Variants in TSEN2 observed in about 807,000 individuals in gnomAD.
The protein encoded by TSEN2 is tRNA splicing endonuclease subunit 2.
In TSEN2, 54 loss-of-function variants were observed where a neutral mutation model predicts 59.2. The observed-to-expected ratio is 0.91, with a 90% CI of 0.73 to 1.14. The LOEUF is 1.14. Among genes scored for constraint, TSEN2 ranks in the 50% most tolerant of loss-of-function variants. The pLI, the probability that TSEN2 is intolerant of heterozygous loss-of-function variation, is 0.00. For synonymous variants in TSEN2, 195 were observed against 198.2 expected (o/e 0.98, Z 0.14); for missense variants, 636 against 576.2 (o/e 1.10, Z -1.06).
At chr3:12,501,244 G>A (rs1324231241) in intron 4 of TSEN2, among the ~76,000 whole-genome samples, 1 of 152,186 alleles carries the variant, frequency 6.6e-6, no homozygotes, top group Admixed American at 6.5e-5. Flanking sequence ...CTTTGAGGTG[G>A]TAGTACTCAT....
chr3:12,522,012 AT>A (rs2056684054), intron 8 of TSEN2, among the ~76,000 whole-genome samples: 1 of 134,346 alleles, frequency 7.4e-6, no homozygotes, highest in South Asian at 2.1e-4. Context: ...GTCTCAAAAA[AT>A]AATAATAAAA....
At chr3:12,508,236 T>A (rs1382861776) in intron 6 of TSEN2, among the ~76,000 whole-genome samples, 1 of 152,222 alleles carries the variant, frequency 6.6e-6, no homozygotes, top group African/African-American at 2.4e-5. Context: ...TAAAGGCTGC[T>A]GCTGCCTGCT....
chr3:12,517,491 CT>C (rs2056254473), intron 7 of TSEN2, among the ~76,000 whole-genome samples: 1 of 152,050 alleles, frequency 6.6e-6, no homozygotes, highest in Non-Finnish European at 1.5e-5. Context: ...AAGCCCATGA[CT>C]TTGTGCTGTT....
intron 3 of TSEN2, among the ~76,000 whole-genome samples, chr3:12,493,795 C>A (rs1175753513): frequency 6.6e-6 from 1 of 152,130 alleles, no homozygotes; most frequent in East Asian, 1.9e-4. Flanking sequence ...AATAGTCATC[C>A]TAATGAGTAT....
At chr3:12,530,729 A>G (rs2057403542) in intron 10 of TSEN2, 1 of 985,284 alleles carries the variant, frequency 1.0e-6, no homozygotes, top group African/African-American at 1.7e-5. Context: ...TAGAATTTTT[A>G]TGCCCATTTT....
At chr3:12,524,739 C>CTTTTT (rs746602626) in intron 8 of TSEN2, among the ~76,000 whole-genome samples, 16 of 131,784 alleles carry the variant, frequency 1.2e-4, no homozygotes, top group African/African-American at 1.2e-4. Context: ...TCTTTGGTCT[C>CTTTTT]TTTTTTTTTT....
chr3:12,528,472 C>A (rs1049915764), intron 8 of TSEN2, among the ~76,000 whole-genome samples: 1 of 152,164 alleles, frequency 6.6e-6, no homozygotes. Context: ...TGTAAACCCC[C>A]ACTTTGGGAG....
rs1022259669 is a variant in TSEN2 at position 12,531,379 on chromosome 3, A to G, written c.1249-191A>G. ...TCTGTTGCCATGTTCAGTGATTACT[A>G]AACGGCAGGTACTTAGTCAGAACGT... On this transcript the variant is annotated intron_variant, in intron 10 of 11. Coordinates refer to ENST00000284995, the MANE Select transcript of TSEN2 (RefSeq NM_025265.4). 4 of 592,630 alleles carry G rather than the reference A, an allele frequency of 6.7e-6. No homozygotes were observed. The African/African-American group carries it at 7.5e-5, about 11-fold the overall frequency. The allele number at this position is 592,630 out of a possible 1,614,324, so 36.7% of individuals were successfully genotyped here. A position where few individuals can be genotyped will look rare whatever the true frequency, so the allele number is the denominator to read the frequency against.
intron 2 of TSEN2, among the ~76,000 whole-genome samples, chr3:12,491,380 A>G (rs2053196455): frequency 6.6e-6 from 1 of 152,176 alleles, no homozygotes; most frequent in African/African-American, 2.4e-5. Flanking sequence ...TTGTAATGAA[A>G]AGGGGAAAAA....
upstream of TSEN2, chr3:12,484,330 C>T (rs1378829383): frequency 6.6e-6 from 1 of 152,396 alleles, no homozygotes; most frequent in Non-Finnish European, 1.5e-5. Context: ...CCTCATACTC[C>T]GCAGTGGCAG....
chr3:12,496,648 CT>C lies in TSEN2; in HGVS notation c.308+101del, dbSNP rs2053776770. The C allele has an allele frequency of 1.4e-5, 18 of 1,258,266 alleles. 1 individual carries two copies. The highest frequency in any genetic ancestry group is 7.0e-5 in the East Asian group (3 of 43,004). 77.9% of individuals were successfully genotyped at this position (1,258,266 alleles called of 1,614,324 possible). On this transcript the variant is annotated intron_variant, in intron 4 of 11. Coordinates refer to ENST00000284995, the MANE Select transcript of TSEN2 (RefSeq NM_025265.4). ...TCCCATGTAGCAGTCCAGTCCACAC[CT>C]TTTTTTCTTTCTGTTTTTGGTAGTA... is the stretch of plus-strand genomic sequence containing the variant.
At chr3:12,495,126 C>CAAAA (rs1160986136) in intron 3 of TSEN2, among the ~76,000 whole-genome samples, 28,572 of 68,366 alleles carry the variant, frequency 0.42, 4,769 homozygotes, top group African/African-American at 0.49. Context: ...ACTCCGTCTC[C>CAAAA]AAAAAAAAAA....
chr3:12,497,036 A>G (rs1027005862), intron 4 of TSEN2, among the ~76,000 whole-genome samples: 1 of 152,024 alleles, frequency 6.6e-6, no homozygotes, highest in Non-Finnish European at 1.5e-5. Flanking sequence ...CATGTGCTCA[A>G]TCCTGCTCAT....
chr3:12,481,288 A>C (rs1245307261), upstream of TSEN2, among the ~76,000 whole-genome samples: 1 of 152,202 alleles, frequency 6.6e-6, no homozygotes, highest in African/African-American at 2.4e-5. Context: ...AAACTCACCT[A>C]GTTGCTAAAA....
intron 3 of TSEN2, among the ~76,000 whole-genome samples, chr3:12,494,768 A>G (rs2053574154): frequency 6.6e-6 from 1 of 151,970 alleles, no homozygotes; most frequent in Non-Finnish European, 1.5e-5. Context: ...ATGAAACAGG[A>G]TGCAGAGAGA....
intron 3 of TSEN2, 66 bp downstream of exon 3, chr3:12,492,283 A>G: frequency 7.3e-7 from 1 of 1,379,272 alleles, no homozygotes. Context: ...TTGATCTTAT[A>G]TCTCAGGCTA....
Position 12,508,649 on chromosome 3 carries a change from G to A in TSEN2, c.909+3418G>A, listed in dbSNP as rs149231942. 6.9e-3 allele frequency among the ~76,000 whole-genome samples: 1,048 copies of A among 152,272 alleles called. 6 individuals carry two copies. Among genetic ancestry groups the A allele is most frequent in the African/African-American group, 0.024 (990 of 41,544 alleles). ...CAACCTTCCACAGATGTGGACATGC[G>A]GCCTTGTAGGGGTGTTTTCATGCCT... On this transcript the variant is annotated intron_variant, in intron 6 of 11. Coordinates refer to ENST00000284995, the MANE Select transcript of TSEN2 (RefSeq NM_025265.4).
downstream of TSEN2, among the ~76,000 whole-genome samples, chr3:12,536,108 C>T (rs2057668091): frequency 6.6e-6 from 1 of 152,110 alleles, no homozygotes; most frequent in Non-Finnish European, 1.5e-5. Context: ...ATTTTATGCC[C>T]TGGTAGGTGA....
intron 10 of TSEN2, chr3:12,530,711 ACTGTTT>A: frequency 1.0e-6 from 1 of 985,398 alleles, no homozygotes; most frequent in Non-Finnish European, 1.2e-6. Flanking sequence ...GGGAGCCTAT[ACTGTTT>A]CTAGAATTTT....
Sources: allele counts gnomAD v4.1 joint callset (sites outside exome capture counted in the v4.1 genomes callset), GRCh38; gene constraint gnomAD v4.1.1; transcripts MANE v1.5; gene names NCBI Gene and HGNC (gene_info 2026-07-23, HGNC 2026-07-21).